ST6GAL1: variants seen among roughly 807,000 people sequenced by gnomAD.
The protein encoded by ST6GAL1 is ST6 beta-galactoside alpha-2,6-sialyltransferase 1.
ST6GAL1 carries 20 observed loss-of-function variants against 38.0 expected under a neutral mutation model. The ratio of observed to expected loss-of-function variants is 0.53; its 90% CI spans 0.37 to 0.77. ST6GAL1 has a LOEUF of 0.77. Among genes scored for constraint, ST6GAL1 ranks in the 30% least tolerant of loss-of-function variants. The pLI, the probability that ST6GAL1 is intolerant of heterozygous loss-of-function variation, is 0.00. For missense variants in ST6GAL1, 432 were observed against 496.4 expected (o/e 0.87, Z 1.23); for synonymous variants, 196 against 188.2 (o/e 1.04, Z -0.34).
At chr3:187,009,879 C>T (rs1716900485) in intron 2 of ST6GAL1, among the ~76,000 whole-genome samples, 1 of 152,026 alleles carries the variant, frequency 6.6e-6, no homozygotes, top group East Asian at 1.9e-4. Flanking sequence ...GTGGTGGGCA[C>T]CTGTAATCCC....
At chr3:186,962,072 C>T (rs1714953275) in intron 1 of ST6GAL1, among the ~76,000 whole-genome samples, 1 of 152,332 alleles carries the variant, frequency 6.6e-6, no homozygotes, top group Non-Finnish European at 1.5e-5. Flanking sequence ...TGCCCGAAGC[C>T]TCAAGCAACT....
At chr3:186,990,127 A>G (rs1716107870) in intron 2 of ST6GAL1, among the ~76,000 whole-genome samples, 1 of 152,208 alleles carries the variant, frequency 6.6e-6, no homozygotes, top group African/African-American at 2.4e-5. Context: ...TGTGCTTCCC[A>G]GGTTCAAGCG....
At chr3:186,996,862 C>T (rs1264876538) in intron 2 of ST6GAL1, among the ~76,000 whole-genome samples, 4 of 151,792 alleles carry the variant, frequency 2.6e-5, no homozygotes, top group Non-Finnish European at 4.4e-5. Context: ...TCTTGCCCCT[C>T]TCTGCTTGGG....
At chr3:186,943,789 A>C (rs553232929) in intron 1 of ST6GAL1, among the ~76,000 whole-genome samples, 1 of 152,296 alleles carries the variant, frequency 6.6e-6, no homozygotes, top group East Asian at 1.9e-4. Flanking sequence ...AGGTTGAAGG[A>C]GATTCAGTGA....
At chr3:186,977,244 C>T (rs760797622) in intron 2 of ST6GAL1, among the ~76,000 whole-genome samples, 5 of 152,204 alleles carry the variant, frequency 3.3e-5, no homozygotes, top group Non-Finnish European at 5.9e-5. Flanking sequence ...CCCTCCCCCA[C>T]GGCTTCTCCC....
chr3:187,024,340 G>A (rs113451473), intron 2 of ST6GAL1, among the ~76,000 whole-genome samples: 1 of 151,336 alleles, frequency 6.6e-6, no homozygotes, highest in Non-Finnish European at 1.5e-5. Flanking sequence ...TGATCTGCCC[G>A]CCTCGGCCTC....
At chr3:186,937,278 A>G (rs1198695065) in intron 1 of ST6GAL1, among the ~76,000 whole-genome samples, 2 of 152,040 alleles carry the variant, frequency 1.3e-5, no homozygotes, top group East Asian at 3.9e-4. Context: ...CTGGGATCTG[A>G]TCATTTCAGT....
chr3:186,932,357 A>G (rs1286271921), intron 1 of ST6GAL1, among the ~76,000 whole-genome samples: 2 of 152,228 alleles, frequency 1.3e-5, no homozygotes, highest in Non-Finnish European at 2.9e-5. Context: ...AACTAAAGGC[A>G]AAACCGGGAT....
intron 2 of ST6GAL1, among the ~76,000 whole-genome samples, chr3:187,030,994 C>G (rs2108572269): frequency 6.6e-6 from 1 of 152,286 alleles, no homozygotes; most frequent in East Asian, 1.9e-4. Context: ...GGGATGGTGT[C>G]AGGAGCTAGC....
intron 5 of ST6GAL1, among the ~76,000 whole-genome samples, chr3:187,068,109 G>A (rs997627510): frequency 1.3e-4 from 20 of 152,048 alleles, no homozygotes; most frequent in Admixed American, 3.3e-4. Flanking sequence ...TTGGGAGGCC[G>A]AGGCAGGTGG....
intron 5 of ST6GAL1, chr3:187,072,270 C>G (rs1035552677): frequency 6.3e-6 from 1 of 157,810 alleles, no homozygotes; most frequent in African/African-American, 2.4e-5. Context: ...TGCATGCACT[C>G]TGGCCTCTGC....
intron 5 of ST6GAL1, among the ~76,000 whole-genome samples, chr3:187,052,962 G>T (rs1452882912): frequency 6.6e-6 from 1 of 152,142 alleles, no homozygotes; most frequent in East Asian, 1.9e-4. Context: ...AGCATCTGTT[G>T]TTTCCTGACT....
intron 2 of ST6GAL1, among the ~76,000 whole-genome samples, chr3:187,020,989 G>T (rs1434992310): frequency 1.3e-5 from 2 of 151,428 alleles, no homozygotes; most frequent in Admixed American, 1.3e-4. Context: ...TTTTGAGATG[G>T]AGTCTCGCTC....
rs1273742902 is a variant in ST6GAL1, at chr3:186,953,041, C to A, written c.-324-10744C>A. 2.6e-5 allele frequency among the ~76,000 whole-genome samples: 4 copies of A among 152,196 alleles called. No homozygotes were observed. In the East Asian group the frequency reaches 7.7e-4, roughly 29 times the overall value. ...ATTAAGAAACAACTACTTAATTCAT[C>A]AAATTCATGTTGGTCCAGGACAGAA... On this transcript the variant is annotated intron_variant, in intron 1 of 7. Transcript: ENST00000169298.
At chr3:186,977,675 A>T (rs1715565223) in intron 2 of ST6GAL1, among the ~76,000 whole-genome samples, 1 of 152,214 alleles carries the variant, frequency 6.6e-6, no homozygotes, top group Admixed American at 6.5e-5. Flanking sequence ...GCGCCTCAGG[A>T]GGGCTAATTC....
chr3:187,009,709 A>G (rs1281917454), intron 2 of ST6GAL1, among the ~76,000 whole-genome samples: 1 of 152,188 alleles, frequency 6.6e-6, no homozygotes, highest in South Asian at 2.1e-4. Context: ...TAATTGTTCA[A>G]TCGTGACCCA....
At chr3:186,943,018 T>C (rs916805146) in intron 1 of ST6GAL1, among the ~76,000 whole-genome samples, 5 of 152,202 alleles carry the variant, frequency 3.3e-5, no homozygotes, top group African/African-American at 1.2e-4. Context: ...TGCTCATTTT[T>C]AGAACATAGA....
intron 2 of ST6GAL1, among the ~76,000 whole-genome samples, chr3:187,012,514 A>T (rs112277894): frequency 0.19 from 28,178 of 152,064 alleles, 2,660 homozygotes; most frequent in African/African-American, 0.2. Context: ...TCAGCCTCCC[A>T]AAGTGCTGGG....
At chr3:187,066,802 G>GA (rs1443930553) in intron 5 of ST6GAL1, among the ~76,000 whole-genome samples, 1 of 152,034 alleles carries the variant, frequency 6.6e-6, no homozygotes, top group Non-Finnish European at 1.5e-5. Flanking sequence ...TTCTCAGCAT[G>GA]AACTCCTCCC....
Sources: gnomAD v4.1 joint callset for allele counts (sites outside exome capture counted in the v4.1 genomes callset) on GRCh38, gnomAD v4.1.1 for gene constraint, MANE v1.5 for transcripts, NCBI Gene and HGNC (gene_info 2026-07-23, HGNC 2026-07-21) for gene names.